Variants in DEPDC5 observed in about 807,000 individuals in gnomAD.
The protein encoded by DEPDC5 is DEP domain containing 5, GATOR1 subcomplex subunit.
DEPDC5 carries 73 observed loss-of-function variants against 217.3 expected under a neutral mutation model. The ratio of observed to expected loss-of-function variants is 0.34; its 90% CI spans 0.28 to 0.41. The LOEUF (loss-of-function observed/expected upper bound fraction) is 0.41. Ranked by LOEUF, DEPDC5 falls within the 10% of genes least tolerant of loss-of-function variation. DEPDC5 has a pLI of 1.00. For missense variants in DEPDC5, 1,675 were observed against 2,070.1 expected (o/e 0.81, Z 3.70); for synonymous variants, 733 against 756.7 (o/e 0.97, Z 0.51).
intron 29 of DEPDC5, 100 bp downstream of exon 29, chr22:31,843,912 C>CT (rs557421807): frequency 0.053 from 52,929 of 993,160 alleles, no homozygotes; most frequent in South Asian, 0.063. Context: ...CTCCCTTTTT[C>CT]TTTTTTTTTT....
intron 4 of DEPDC5, among the ~76,000 whole-genome samples, chr22:31,761,480 TGTA>T (rs2082380580): frequency 6.6e-6 from 1 of 151,968 alleles, no homozygotes; most frequent in Non-Finnish European, 1.5e-5. Flanking sequence ...TTTTTATGAC[TGTA>T]GTTCTCTTCT....
chr22:31,758,784 C>T (rs1461726241), intron 3 of DEPDC5, 151 bp downstream of exon 3: 3 of 725,166 alleles, frequency 4.1e-6, no homozygotes, highest in Non-Finnish European at 6.9e-6. Flanking sequence ...GTGGGTAGGT[C>T]ATTTGAGCCC....
chr22:31,805,338 A>G (rs964549059), intron 17 of DEPDC5, among the ~76,000 whole-genome samples: 1 of 151,972 alleles, frequency 6.6e-6, no homozygotes, highest in African/African-American at 2.4e-5. Context: ...TATGACACTA[A>G]TCTTATTCCA....
intron 39 of DEPDC5, among the ~76,000 whole-genome samples, chr22:31,895,654 G>A (rs1403851714): frequency 6.6e-6 from 1 of 151,888 alleles, no homozygotes; most frequent in African/African-American, 2.4e-5. Context: ...TAAAAGCTAG[G>A]AGATAAGCAA....
chr22:31,777,894 T>C (rs1378098446), intron 7 of DEPDC5: 4 of 555,376 alleles, frequency 7.2e-6, no homozygotes, highest in Non-Finnish European at 1.3e-5. Flanking sequence ...ACTACAGGCA[T>C]GTGTCACCAT....
chr22:31,905,795 G>A lies in DEPDC5; in HGVS notation c.4437-189G>A, dbSNP rs561194527. On this transcript the variant is annotated intron_variant, in intron 41 of 42. Transcript: ENST00000651528. Reference sequence around the variant, plus strand: ...AGGAGGTCTGGTAAGCCATGGTGTTGGAAGAGGTAGAGGTCAGAAAGTGGT... The same window carrying A: ...AGGAGGTCTGGTAAGCCATGGTGTTAGAAGAGGTAGAGGTCAGAAAGTGGT... Among the ~76,000 whole-genome samples the A allele has an allele frequency of 2.3e-3, 356 of 152,124 alleles. 6 individuals carry two copies. The South Asian group carries it at 0.024, about 10-fold the overall frequency.
chr22:31,882,130 A>G (rs2093193660), intron 38 of DEPDC5, among the ~76,000 whole-genome samples: 1 of 152,188 alleles, frequency 6.6e-6, no homozygotes, highest in South Asian at 2.1e-4. Context: ...CACTTATAGC[A>G]CTAGGCTGCA....
intron 26 of DEPDC5, 186 bp downstream of exon 26, chr22:31,837,341 C>CTT: frequency 1.6e-6 from 1 of 614,454 alleles, no homozygotes; most frequent in Non-Finnish European, 2.6e-6. Context: ...TGTATTTTAT[C>CTT]TTTTTTTTTC....
intron 7 of DEPDC5, 30 bp downstream of exon 7, chr22:31,768,893 G>T (rs757280636): frequency 1.2e-6 from 2 of 1,611,920 alleles, no homozygotes; most frequent in Admixed American, 1.7e-5. Flanking sequence ...TGCCTTATCT[G>T]TGCAGTAACT....
intron 24 of DEPDC5, 143 bp from the exon 25 acceptor site, chr22:31,833,772 A>T: frequency 4.9e-6 from 3 of 606,088 alleles, no homozygotes. Flanking sequence ...ATTCTTTTGT[A>T]CTGTTTGAAA....
intron 16 of DEPDC5, 29 bp from the exon 17 acceptor site, chr22:31,804,813 T>C: frequency 6.2e-7 from 1 of 1,607,034 alleles, no homozygotes; most frequent in Non-Finnish European, 8.5e-7. Context: ...TTCTGTAGCT[T>C]ATCTGTGCTC....
intron 34 of DEPDC5, 27 bp downstream of exon 34, chr22:31,870,771 G>A: frequency 6.6e-7 from 1 of 1,511,646 alleles, no homozygotes; most frequent in East Asian, 2.5e-5. Context: ...CCAAACTCAT[G>A]TTCCTGGGGA....
At chr22:31,778,008 A>T in intron 7 of DEPDC5, 91 bp from the exon 8 acceptor site, 1 of 1,450,410 alleles carries the variant, frequency 6.9e-7, no homozygotes, top group Non-Finnish European at 9.7e-7. Flanking sequence ...TTGGCTTCCC[A>T]AAGTGCTGGG....
rs1270904505 is a variant in DEPDC5 at position 31,876,269 on chromosome 22, A to G, written c.3805+4A>G. 6.2e-7 allele frequency: 1 copy of G among 1,612,662 alleles called. No individual in the cohort carries two copies. Among genetic ancestry groups the G allele is most frequent in the Non-Finnish European group, 8.5e-7 (1 of 1,179,722 alleles). ...ACGGACAAAGAGCCCGACCGAGGTT[A>G]GAGCCGAGGCGAATGCGGTTGCCCA... On this transcript the variant is annotated splice_donor_region_variant and intron_variant, in intron 37 of 42. Transcript: ENST00000651528.
At chr22:31,818,875 G>T in intron 21 of DEPDC5, 147 bp from the exon 22 acceptor site, 1 of 748,594 alleles carries the variant, frequency 1.3e-6, no homozygotes. Context: ...TTTCTTTATA[G>T]TTTGACAGTT....
intron 41 of DEPDC5, among the ~76,000 whole-genome samples, 183 bp downstream of exon 41, chr22:31,901,985 C>G (rs1030445371): frequency 6.6e-6 from 1 of 152,202 alleles, no homozygotes; most frequent in Admixed American, 6.5e-5. Context: ...CGCTGCCTCC[C>G]TGTTTCCTGT....
At chr22:31,759,232 T>C (rs2082176910) in intron 3 of DEPDC5, among the ~76,000 whole-genome samples, 1 of 151,906 alleles carries the variant, frequency 6.6e-6, no homozygotes, top group South Asian at 2.1e-4. Context: ...GCACCTGGCC[T>C]AATTTTTGTG....
intron 24 of DEPDC5, among the ~76,000 whole-genome samples, chr22:31,829,303 G>A (rs894805716): frequency 9.2e-5 from 14 of 152,114 alleles, no homozygotes; most frequent in East Asian, 1.9e-4. Context: ...AGGCCAAGGC[G>A]GGTGGATCAC....
chr22:31,810,777 T>A, intron 20 of DEPDC5, 136 bp downstream of exon 20: 1 of 1,417,176 alleles, frequency 7.1e-7, no homozygotes, highest in Non-Finnish European at 9.4e-7. Context: ...TTTTGTTTGT[T>A]TTGTTTTGTT....
Sources: allele counts gnomAD v4.1 joint callset (sites outside exome capture counted in the v4.1 genomes callset), GRCh38; gene constraint gnomAD v4.1.1; transcripts MANE v1.5; gene names NCBI Gene and HGNC (gene_info 2026-07-23, HGNC 2026-07-21).